Variants in PLK5 observed in about 807,000 individuals in gnomAD.
PLK5 encodes the protein inactive serine/threonine-protein kinase PLK5.
Under a neutral mutation model 33.7 loss-of-function variants are expected in PLK5, and 28 were observed. The ratio of observed to expected loss-of-function variants is 0.83; its 90% CI spans 0.62 to 1.14. The LOEUF (loss-of-function observed/expected upper bound fraction) is 1.14, where lower values mean the gene tolerates loss of function less well. Among genes scored for constraint, PLK5 ranks in the 50% most tolerant of loss-of-function variants. The pLI, the probability that PLK5 is intolerant of heterozygous loss-of-function variation, is 0.00. For synonymous variants in PLK5, 225 were observed against 202.2 expected (o/e 1.11, Z -0.96); for missense variants, 492 against 461.5 (o/e 1.07, Z -0.61).
At chr19:1,527,602 T>TAA (rs11400311) in intron 6 of PLK5, among the ~76,000 whole-genome samples, 24 of 147,324 alleles carry the variant, frequency 1.6e-4, no homozygotes, top group East Asian at 6.0e-4. Flanking sequence ...ACCCTGTCTT[T>TAA]AAAAAAAAAA....
intron 11 of PLK5, among the ~76,000 whole-genome samples, chr19:1,530,604 A>ATTTTTTTTTTT (rs759461067): frequency 5.5e-5 from 2 of 36,524 alleles, no homozygotes; most frequent in African/African-American, 2.4e-4. Context: ...GCCTGGGCGC[A>ATTTTTTTTTTT]TTTTTTTTTT....
chr19:1,528,067 T>C lies in PLK5; in HGVS notation c.134T>C (p.Leu45Pro). Residue 45 changes from leucine (L) to proline (P), a missense_variant, in exon 7 of 14, where the codon CTC becomes CCC. Leu to Pro is a moderately conservative substitution (Grantham distance 98). Coordinates refer to ENST00000454744, the MANE Select transcript of PLK5 (RefSeq NM_001243079.2). ...AATGCGCGCCGCCTCATCGTGCACCTCCTAGCACCCAACCCGGCCGAGCGG... is the reference window on the plus strand; with the variant it reads ...AATGCGCGCCGCCTCATCGTGCACCCCCTAGCACCCAACCCGGCCGAGCGG... ...SANARRLIVH[L>P]LAPNPAERPS... 2 of 1,535,964 alleles carry C rather than the reference T, an allele frequency of 1.3e-6. No individual in the cohort carries two copies. Among genetic ancestry groups the C allele is most frequent in the Non-Finnish European group, 1.7e-6 (2 of 1,146,806 alleles).
chr19:1,531,745 G>C lies in PLK5; in HGVS notation c.576G>C (p.Gln192His), dbSNP rs1369172529. 1 of 1,536,522 alleles carries C rather than the reference G, an allele frequency of 6.5e-7. No individual in the cohort carries two copies. The highest frequency in any genetic ancestry group is 8.7e-7 in the Non-Finnish European group (1 of 1,147,074). The change falls in exon 12 of 14, where the codon CAG becomes CAC. Residue 192 changes from glutamine (Q) to histidine (H), a missense_variant. Transcript: ENST00000454744. ...LCLDVGPPAT[Q>H]DPLGEQQPIL... is the part of the protein sequence containing the mutation. ...ACCTTTGTTTGTGCCCAGCCACACA[G>C]GACCCCCTGGGAGAGCAGCAGCCCA... is the stretch of plus-strand genomic sequence containing the variant.
intron 13 of PLK5, among the ~76,000 whole-genome samples, chr19:1,534,572 G>A (rs1194502915): frequency 8.7e-5 from 13 of 150,100 alleles, no homozygotes; most frequent in East Asian, 3.9e-4. Context: ...TTGGGAGGCC[G>A]AGGTGGGCAG....
At chr19:1,529,352 C>G (rs925179268) in intron 9 of PLK5, 54 bp from the exon 10 acceptor site, 80 of 1,455,022 alleles carry the variant, frequency 5.5e-5, no homozygotes, top group Non-Finnish European at 6.4e-5. Context: ...CACCTCACGC[C>G]TGTCCCTGGG....
chr19:1,531,430 C>G (rs76877175), intron 11 of PLK5, among the ~76,000 whole-genome samples: 1 of 33,118 alleles, frequency 3.0e-5, no homozygotes, highest in Non-Finnish European at 7.9e-5. Context: ...CAAAACAAAA[C>G]AAACAAAAAC....
Position 1,527,976 on chromosome 19 carries a change from C to A in PLK5, c.43C>A (p.Pro15Thr). Residue 15 changes from proline to threonine, a missense_variant, in exon 7 of 14, where the codon CCC becomes ACC. By Grantham distance (38) the Pro-to-Thr change is conservative (BLOSUM62 -1). Transcript: ENST00000454744. ...LTGTPPFMAS[P>T]LSEMYQNIRE... The stretch of plus-strand genomic sequence containing the variant: ...TGGCACCCCACCCTTCATGGCCTCA[C>A]CCCTGTCGGAGATGTACCAAAACAT... 6.5e-7 allele frequency: 1 copy of A among 1,536,090 alleles called. No homozygotes were observed. Among genetic ancestry groups the A allele is most frequent in the South Asian group, 1.2e-5 (1 of 84,062 alleles).
At position 1,534,036 on chromosome 19, in the gene PLK5, G is replaced by C; in HGVS notation, c.820G>C (p.Val274Leu). Reference protein sequence around the residue: ...ALLLLFSNGMVQVSFSGVPAQ... With the variant: ...ALLLLFSNGMLQVSFSGVPAQ... ...GCTGCTGCTGTTCAGCAATGGGATG[G>C]TGCAGGTGAGCCCGGGGCTCAAACT... Residue 274 changes from valine to leucine, a missense_variant, in exon 13 of 14, where the codon GTG becomes CTG. By Grantham distance (32) the Val-to-Leu change is conservative. Coordinates refer to ENST00000454744, the MANE Select transcript of PLK5 (RefSeq NM_001243079.2). The C allele has an allele frequency of 6.5e-7, 1 of 1,535,624 alleles. No individual in the cohort carries two copies. The highest frequency in any genetic ancestry group is 8.7e-7 in the Non-Finnish European group (1 of 1,146,646).
chr19:1,533,679 CTGG>C, intron 12 of PLK5: 1 of 578,592 alleles, frequency 1.7e-6, no homozygotes, highest in South Asian at 2.2e-5. Flanking sequence ...GTCCACTGGC[CTGG>C]GCTGTCCAGG....
At chr19:1,527,103 G>A (rs190308843) in intron 6 of PLK5, 105 bp downstream of exon 6, 104 of 1,226,992 alleles carry the variant, frequency 8.5e-5, no homozygotes, top group Middle Eastern at 2.4e-4. Flanking sequence ...AGGGTGGGGC[G>A]CGTGGAACAG....
chr19:1,533,886 G>GA (rs1914007099), intron 12 of PLK5, 45 bp from the exon 13 acceptor site: 1 of 1,391,918 alleles, frequency 7.2e-7, no homozygotes, highest in South Asian at 1.3e-5. Context: ...GCGAGGGGTG[G>GA]GGACGCCCCC....
Position 1,531,823 on chromosome 19 carries a change from C to G in PLK5, c.654C>G (p.Tyr218Ter). 1 of 1,534,606 alleles carries G rather than the reference C, an allele frequency of 6.5e-7. No homozygotes were observed. The highest frequency in any genetic ancestry group is 1.2e-5 in the South Asian group (1 of 83,900). ...VDYSSKYGFGYQLLDGGRTGR... is the reference protein window; with the variant it reads ...VDYSSKYGFG The stretch of plus-strand genomic sequence containing the variant: ...ATTCCAGCAAATACGGCTTTGGCTA[C>G]CAGCTCTTGGACGGGGGGCGCACGG... Residue 218 changes from tyrosine (Y) to a stop codon, truncating the protein, a stop_gained, in exon 12 of 14, where the codon TAC becomes TAG. Coordinates refer to ENST00000454744, the MANE Select transcript of PLK5 (RefSeq NM_001243079.2). LOFTEE classifies it high-confidence loss of function.
rs1002990158 is a variant in PLK5, at chr19:1,535,207, G to A, written c.968G>A (p.Gly323Glu). Residue 323 changes from glycine (G) to glutamate (E), a missense_variant, in exon 14 of 14, where the codon GGA (glycine) becomes GAA (glutamate). Coordinates refer to ENST00000454744, the MANE Select transcript of PLK5 (RefSeq NM_001243079.2). ...PRSHGCAPTT[G>E]QHLHHALRML... ...AGCCACGGCTGCGCCCCCACCACCG[G>A]ACAGCACCTTCACCACGCCCTCCGC... 3.9e-6 allele frequency: 6 copies of A among 1,535,596 alleles called. No individual in the cohort carries two copies. The highest frequency in any genetic ancestry group is 5.2e-6 in the Non-Finnish European group (6 of 1,146,774).
In PLK5 at chr19:1,529,781, G is replaced by A. The variant is rs1010450222; in HGVS notation, c.525G>A (p.Ala175=). 77 of 1,535,864 alleles carry A rather than the reference G, an allele frequency of 5.0e-5. No homozygotes were observed. Among genetic ancestry groups the A allele is most frequent in the Admixed American group, 9.8e-5 (5 of 50,966 alleles). The change falls in exon 11 of 14, where the codon GCG becomes GCA. Residue 175 remains alanine (A), a synonymous_variant. Transcript: ENST00000454744. ...GGAGCCGGCGGCCAGAGGTGGAGGC[G>A]GCCCTCAGACACCTGCAGCTGTGCC... is the stretch of plus-strand genomic sequence containing the variant. ...PEGSRRPEVE[A]ALRHLQLCLD... is the part of the protein sequence containing the mutation.
At chr19:1,531,942 C>A in intron 12 of PLK5, 59 bp downstream of exon 12, 1 of 1,417,324 alleles carries the variant, frequency 7.1e-7, no homozygotes, top group Non-Finnish European at 9.2e-7. Flanking sequence ...TTTTTTCATT[C>A]ATCTCTCAAG....
rs1158156888 is a variant in PLK5 at position 1,524,162 on chromosome 19, G to A, written c.-628G>A. The A allele has an allele frequency of 6.6e-6, 1 of 150,674 alleles. No homozygotes were observed. The highest frequency in any genetic ancestry group is 6.6e-5 in the Admixed American group (1 of 15,134). The allele number at this position is 150,674 out of a possible 1,614,324, so 9.3% of individuals were successfully genotyped here. On this transcript the variant is annotated 5_prime_UTR_variant, in exon 1 of 14. Transcript: ENST00000454744. The surrounding 1 kb of genome is among the most constrained non-coding windows in gnomAD (Gnocchi z 4.5). ...CGATGGAGCCCCGGCCGCGGCGGCG[G>A]CGCAGGAGTCGCCCCCTGGTCGCCG...
Position 1,531,750 on chromosome 19 carries a change from C to T in PLK5, c.581C>T (p.Pro194Leu), listed in dbSNP as rs1257828397. The T allele has an allele frequency of 1.3e-6, 2 of 1,536,500 alleles. No individual in the cohort carries two copies. Among genetic ancestry groups the T allele is most frequent in the African/African-American group, 2.7e-5 (2 of 73,042 alleles). The change falls in exon 12 of 14, where the codon CCC becomes CTC. Residue 194 changes from proline to leucine, a missense_variant. Coordinates refer to ENST00000454744, the MANE Select transcript of PLK5 (RefSeq NM_001243079.2). The part of the protein sequence containing the change: ...LDVGPPATQD[P>L]LGEQQPILWA... ...TGTTTGTGCCCAGCCACACAGGACC[C>T]CCTGGGAGAGCAGCAGCCCATCCTC...
At chr19:1,527,373 A>G (rs1303066006) in intron 6 of PLK5, among the ~76,000 whole-genome samples, 1 of 152,078 alleles carries the variant, frequency 6.6e-6, no homozygotes, top group East Asian at 1.9e-4. Flanking sequence ...AGGCCGAGGC[A>G]GGAGGATCGC....
At chr19:1,533,906 T>G in intron 12 of PLK5, 25 bp from the exon 13 acceptor site, 30 of 1,510,250 alleles carry the variant, frequency 2.0e-5, no homozygotes, top group South Asian at 2.4e-5. Context: ...CTGCGTCACG[T>G]GACCTCAGCC....
Sources: gnomAD v4.1 joint callset for allele counts (sites outside exome capture counted in the v4.1 genomes callset) on GRCh38, gnomAD v4.1.1 for gene constraint, Gnocchi (gnomAD v3.1) non-coding constraint, MANE v1.5 for transcripts, NCBI Gene and HGNC (gene_info 2026-07-23, HGNC 2026-07-21) for gene names.